Variants in RAB11FIP3 observed in about 807,000 individuals in gnomAD.
RAB11FIP3 encodes rab11 family-interacting protein 3.
In RAB11FIP3, 17 loss-of-function variants were observed where a neutral mutation model predicts 77.8. The observed-to-expected ratio is 0.22, with a 90% CI of 0.15 to 0.33. RAB11FIP3 has a LOEUF of 0.33. Among genes scored for constraint, RAB11FIP3 ranks in the 10% least tolerant of loss-of-function variants. The pLI is 1.00. For synonymous variants in RAB11FIP3, 437 were observed against 448.2 expected (o/e 0.98, Z 0.31); for missense variants, 1,005 against 1,011.2 (o/e 0.99, Z 0.08).
chr16:476,650 G>A (rs2055913753), intron 3 of RAB11FIP3, among the ~76,000 whole-genome samples: 1 of 152,062 alleles, frequency 6.6e-6, no homozygotes, highest in Admixed American at 6.6e-5. Context: ...GGTGGCTCAT[G>A]TCTGTAATCC....
At chr16:489,119 A>G in intron 5 of RAB11FIP3, 119 bp downstream of exon 5, 1 of 1,231,124 alleles carries the variant, frequency 8.1e-7, no homozygotes, top group South Asian at 1.6e-5. Flanking sequence ...ACGTCATGTG[A>G]TTAAGTAAAC....
intron 6 of RAB11FIP3, among the ~76,000 whole-genome samples, chr16:501,155 C>T (rs985105534): frequency 5.9e-5 from 9 of 152,216 alleles, no homozygotes; most frequent in African/African-American, 1.4e-4. Flanking sequence ...AGAAGCAAAT[C>T]GAACTTCATA....
Position 520,779 on chromosome 16 carries a change from C to T in RAB11FIP3, c.2211C>T (p.Tyr737=), listed in dbSNP as rs1250813766. The change falls in exon 14 of 14, where the codon TAC becomes TAT. Residue 737 remains tyrosine (Y), a synonymous_variant. Coordinates refer to ENST00000262305, the MANE Select transcript of RAB11FIP3 (RefSeq NM_014700.4). ...QEEINFRLQD[Y]IDRIIVAIME... is the part of the protein sequence containing the mutation. The stretch of plus-strand genomic sequence containing the variant: ...AGATCAACTTCCGCCTGCAGGACTA[C>T]ATCGACAGGATCATCGTGGCCATCA... 1.9e-6 allele frequency: 3 copies of T among 1,613,718 alleles called. No homozygotes were observed. Among genetic ancestry groups the T allele is most frequent in the African/African-American group, 2.7e-5 (2 of 74,942 alleles).
At chr16:475,408 T>C (rs1176792880) in intron 3 of RAB11FIP3, among the ~76,000 whole-genome samples, 4 of 152,234 alleles carry the variant, frequency 2.6e-5, no homozygotes, top group Non-Finnish European at 5.9e-5. Context: ...CAAGGCCAGG[T>C]CCTGGCTGGC....
intron 5 of RAB11FIP3, among the ~76,000 whole-genome samples, chr16:490,364 C>T (rs985340667): frequency 6.6e-6 from 1 of 152,164 alleles, no homozygotes; most frequent in Non-Finnish European, 1.5e-5. Flanking sequence ...TTCGACAGGT[C>T]GGTCTTTTTG....
At chr16:457,387 T>C (rs1369453631) in intron 1 of RAB11FIP3, among the ~76,000 whole-genome samples, 4 of 152,210 alleles carry the variant, frequency 2.6e-5, no homozygotes, top group African/African-American at 9.7e-5. Flanking sequence ...TGTAACTTAT[T>C]GTCCGTCTGC....
chr16:491,143 T>C (rs956939440), intron 5 of RAB11FIP3: 2 of 1,302,184 alleles, frequency 1.5e-6, no homozygotes, highest in East Asian at 5.6e-5. Flanking sequence ...GCACTGACCC[T>C]CTTGCCGCAA....
intron 2 of RAB11FIP3, among the ~76,000 whole-genome samples, chr16:468,198 A>T (rs1283538317): frequency 2.0e-4 from 5 of 25,344 alleles, no homozygotes; most frequent in African/African-American, 2.7e-4. Flanking sequence ...GAGGAGGTGC[A>T]GGGAAGTCAG....
Position 522,249 on chromosome 16 carries a change from T to A in RAB11FIP3, c.*1410T>A, listed in dbSNP as rs2032732679. On this transcript the variant is annotated 3_prime_UTR_variant, in exon 14 of 14. Transcript: ENST00000262305. ...GAAAACTGTGTATACACATGAAATATATATATATATATATATATATATATG... is the reference window on the plus strand; with the variant it reads ...GAAAACTGTGTATACACATGAAATAAATATATATATATATATATATATATG... 7.7e-6 allele frequency: 1 copy of A among 130,168 alleles called. No homozygotes were observed. The highest frequency in any genetic ancestry group is 1.6e-5 in the Non-Finnish European group (1 of 62,704). The allele number at this position is 130,168 out of a possible 1,614,324, so 8.1% of individuals were successfully genotyped here. A position where few individuals can be genotyped will look rare whatever the true frequency, so the allele number is the denominator to read the frequency against.
chr16:520,152 C>G lies in RAB11FIP3; in HGVS notation c.1891C>G (p.His631Asp). 1 of 1,546,372 alleles carries G rather than the reference C, an allele frequency of 6.5e-7. No homozygotes were observed. The highest frequency in any genetic ancestry group is 8.7e-7 in the Non-Finnish European group (1 of 1,147,836). Residue 631 changes from histidine (H) to aspartate (D), a missense_variant, in exon 12 of 14, where the codon CAC becomes GAC. His to Asp is a moderately conservative substitution (Grantham distance 81, BLOSUM62 -1). Coordinates refer to ENST00000262305, the MANE Select transcript of RAB11FIP3 (RefSeq NM_014700.4). ...LIEDLRKQLE[H>D]LQLLKLEAEQ... ...CGAGGACCTCCGAAAGCAGCTGGAGCACCTGCAGCTCCTCAAGCTGGAGGC... is the reference window on the plus strand; with the variant it reads ...CGAGGACCTCCGAAAGCAGCTGGAGGACCTGCAGCTCCTCAAGCTGGAGGC...
chr16:501,870 C>A (rs1282889351), intron 6 of RAB11FIP3, among the ~76,000 whole-genome samples: 6 of 149,522 alleles, frequency 4.0e-5, no homozygotes, highest in Non-Finnish European at 8.9e-5. Flanking sequence ...GGCAAGGAAG[C>A]TGGGAGATGG....
intron 3 of RAB11FIP3, among the ~76,000 whole-genome samples, chr16:479,065 A>G (rs1318135759): frequency 2.0e-5 from 3 of 152,128 alleles, no homozygotes; most frequent in Non-Finnish European, 4.4e-5. Flanking sequence ...CTATCTACCT[A>G]TACCTGGTCC....
intron 5 of RAB11FIP3, among the ~76,000 whole-genome samples, chr16:496,380 T>C (rs1423653783): frequency 1.3e-5 from 2 of 152,254 alleles, no homozygotes; most frequent in Admixed American, 6.5e-5. Flanking sequence ...AGGCAGGCGT[T>C]CTGAGCATGA....
At position 426,313 on chromosome 16, in the gene RAB11FIP3, C is replaced by T; in HGVS notation, c.307C>T (p.Pro103Ser). Residue 103 changes from proline to serine, a missense_variant, in exon 1 of 14, where the codon CCC (proline) becomes TCC (serine). Pro to Ser is a moderately conservative substitution (Grantham distance 74). This residue lies in a region of RAB11FIP3 where 466 missense variants were observed against 408.3 expected (regional missense o/e 1.14). Transcript: ENST00000262305. The surrounding 1 kb of genome is among the most constrained non-coding windows in gnomAD (Gnocchi z 5.0). ...RSGPRGQLAS[P>S]DAPGPGPRSE... is the part of the protein sequence containing the mutation. ...CGGCCCGCGGGGGCAGCTTGCGAGC[C>T]CCGACGCCCCGGGCCCAGGGCCGCG... 1 of 1,340,782 alleles carries T rather than the reference C, an allele frequency of 7.5e-7. No individual in the cohort carries two copies. Among genetic ancestry groups the T allele is most frequent in the Non-Finnish European group, 9.6e-7 (1 of 1,043,788 alleles). The allele number at this position is 1,340,782 out of a possible 1,614,324, so 83.1% of individuals were successfully genotyped here. A position where few individuals can be genotyped will look rare whatever the true frequency, so the allele number is the denominator to read the frequency against.
At position 472,704 on chromosome 16, in the gene RAB11FIP3, G is replaced by C. The variant is rs2055830744; in HGVS notation, c.903+1315G>C. On this transcript the variant is annotated intron_variant, in intron 3 of 13. Coordinates refer to ENST00000262305, the MANE Select transcript of RAB11FIP3 (RefSeq NM_014700.4). The surrounding 1 kb of genome is among the most constrained non-coding windows in gnomAD (Gnocchi z 4.1). The stretch of plus-strand genomic sequence containing the variant: ...TTGTTCCCCTCTCATGTTTGTTAGG[G>C]CATTGTTGATTGTTTATATCCTATG... Among the ~76,000 whole-genome samples, 1 of 152,188 alleles carries C rather than the reference G, an allele frequency of 6.6e-6. No homozygotes were observed. The highest frequency in any genetic ancestry group is 2.4e-5 in the African/African-American group (1 of 41,442).
At chr16:512,493 G>A (rs2032227801) in intron 9 of RAB11FIP3, among the ~76,000 whole-genome samples, 1 of 150,992 alleles carries the variant, frequency 6.6e-6, no homozygotes, top group Non-Finnish European at 1.5e-5. Flanking sequence ...ACCTGCCTCG[G>A]CCTCCCAAAG....
intron 1 of RAB11FIP3, among the ~76,000 whole-genome samples, chr16:456,183 C>G (rs968409927): frequency 6.6e-6 from 1 of 151,780 alleles, no homozygotes; most frequent in South Asian, 2.1e-4. Context: ...GGCTGAGTGG[C>G]TCACACCTGT....
intron 1 of RAB11FIP3, among the ~76,000 whole-genome samples, chr16:427,654 G>A (rs537707061): frequency 1.3e-5 from 2 of 152,192 alleles, no homozygotes; most frequent in Non-Finnish European, 2.9e-5. Flanking sequence ...AATCCCTAAG[G>A]TGCATCTGTC....
chr16:518,858 C>A (rs1054031500), intron 9 of RAB11FIP3, 85 bp from the exon 10 acceptor site: 8 of 1,434,988 alleles, frequency 5.6e-6, no homozygotes, highest in Admixed American at 3.4e-5. Flanking sequence ...GCGGCCCCAG[C>A]AGGGTTTCCC....
Sources: allele counts gnomAD v4.1 joint callset (sites outside exome capture counted in the v4.1 genomes callset), GRCh38; gene constraint gnomAD v4.1.1; regional missense constraint gnomAD v4.1.1; non-coding constraint Gnocchi (gnomAD v3.1); transcripts MANE v1.5; gene names NCBI Gene and HGNC (gene_info 2026-07-23, HGNC 2026-07-21).